The following SORCS3 variants were observed in gnomAD, a reference collection of about 807,000 sequenced individuals.
SORCS3 encodes the protein sortilin related VPS10 domain containing receptor 3.
In SORCS3, 57 loss-of-function variants were observed where a neutral mutation model predicts 146.3. The ratio of observed to expected loss-of-function variants is 0.39; its 90% CI spans 0.31 to 0.49. The LOEUF (loss-of-function observed/expected upper bound fraction) is 0.49, where lower values mean the gene tolerates loss of function less well. Ranked by LOEUF, SORCS3 falls within the 20% of genes least tolerant of loss-of-function variation. SORCS3 has a pLI of 0.92. For missense variants in SORCS3, 1,341 were observed against 1,575.5 expected (o/e 0.85, Z 2.52); for synonymous variants, 653 against 618.5 (o/e 1.06, Z -0.83).
chr10:104,868,175 TCTGA>T (rs2018480289), intron 2 of SORCS3, among the ~76,000 whole-genome samples: 2 of 152,342 alleles, frequency 1.3e-5, no homozygotes, highest in Admixed American at 6.5e-5. Flanking sequence ...AGCTCTGCTC[TCTGA>T]CTAAGGGATA....
chr10:104,924,231 C>G (rs1022256632), intron 3 of SORCS3, among the ~76,000 whole-genome samples: 3 of 152,182 alleles, frequency 2.0e-5, no homozygotes, highest in Non-Finnish European at 4.4e-5. Flanking sequence ...AGGGACTTGT[C>G]TGAGGTCATA....
intron 3 of SORCS3, among the ~76,000 whole-genome samples, chr10:104,920,849 G>A (rs948931363): frequency 6.6e-6 from 1 of 152,132 alleles, no homozygotes; most frequent in East Asian, 1.9e-4. Flanking sequence ...TGGCATGGTG[G>A]CATCAGCATT....
chr10:105,123,963 A>G (rs1282121072), intron 7 of SORCS3, among the ~76,000 whole-genome samples: 1 of 152,200 alleles, frequency 6.6e-6, no homozygotes, highest in Non-Finnish European at 1.5e-5. Flanking sequence ...AACATAAAAG[A>G]CAATTATGTG....
intron 16 of SORCS3, among the ~76,000 whole-genome samples, chr10:105,209,571 C>G (rs554488451): frequency 6.6e-6 from 1 of 152,266 alleles, no homozygotes; most frequent in South Asian, 2.1e-4. Context: ...AAAATTATCC[C>G]TGCTCTTTTG....
At chr10:105,022,031 CA>C (rs2055201115) in intron 4 of SORCS3, among the ~76,000 whole-genome samples, 1 of 152,112 alleles carries the variant, frequency 6.6e-6, no homozygotes, top group Admixed American at 6.6e-5. Flanking sequence ...CAGTAGCTGC[CA>C]GGGGTTGTGG....
chr10:104,793,956 G>A (rs2017522527), intron 1 of SORCS3, among the ~76,000 whole-genome samples: 1 of 152,154 alleles, frequency 6.6e-6, no homozygotes, highest in South Asian at 2.1e-4. Context: ...GGAATTTCGG[G>A]AATGACCAAA....
At chr10:105,186,046 G>A (rs1589678628) in intron 14 of SORCS3, among the ~76,000 whole-genome samples, 1 of 152,158 alleles carries the variant, frequency 6.6e-6, no homozygotes, top group Non-Finnish European at 1.5e-5. Flanking sequence ...GGAAATTTAG[G>A]TTATTTCTAG....
intron 14 of SORCS3, among the ~76,000 whole-genome samples, chr10:105,194,417 G>A (rs1471318081): frequency 6.6e-6 from 1 of 152,110 alleles, no homozygotes; most frequent in Non-Finnish European, 1.5e-5. Context: ...CATGTTGGGG[G>A]TTTGATTATG....
chr10:105,152,959 G>A (rs2056178125), intron 9 of SORCS3, among the ~76,000 whole-genome samples: 1 of 151,270 alleles, frequency 6.6e-6, no homozygotes. Flanking sequence ...GCATTTTTAT[G>A]GAGGTATAAT....
At chr10:104,749,696 G>A (rs1353507789) in intron 1 of SORCS3, among the ~76,000 whole-genome samples, 5 of 152,180 alleles carry the variant, frequency 3.3e-5, no homozygotes, top group Non-Finnish European at 1.5e-5. Context: ...CTGAACAAAA[G>A]CTTCTGAATT....
chr10:105,227,122 C>A (rs189167326), intron 20 of SORCS3, among the ~76,000 whole-genome samples: 2 of 151,780 alleles, frequency 1.3e-5, no homozygotes, highest in Non-Finnish European at 1.5e-5. Context: ...TCTTGCTTTT[C>A]TAGTTTCTTG....
At chr10:104,723,860 T>A (rs934630837) in intron 1 of SORCS3, among the ~76,000 whole-genome samples, 5 of 152,178 alleles carry the variant, frequency 3.3e-5, no homozygotes, top group African/African-American at 1.2e-4. Context: ...ATTTTGAGCC[T>A]ATGTGTGTCT....
intron 1 of SORCS3, among the ~76,000 whole-genome samples, chr10:104,647,841 A>G (rs1044748058): frequency 4.6e-5 from 7 of 152,258 alleles, no homozygotes; most frequent in Non-Finnish European, 7.3e-5. Flanking sequence ...GAGGATAGAA[A>G]TAAGGACTAG....
intron 20 of SORCS3, among the ~76,000 whole-genome samples, chr10:105,234,903 G>A (rs1365109691): frequency 6.6e-6 from 1 of 151,852 alleles, no homozygotes; most frequent in Non-Finnish European, 1.5e-5. Flanking sequence ...TTTCCCTTTA[G>A]TATGCCTTGT....
intron 1 of SORCS3, among the ~76,000 whole-genome samples, chr10:104,825,075 A>C (rs1461173148): frequency 1.3e-5 from 2 of 152,194 alleles, no homozygotes; most frequent in Non-Finnish European, 2.9e-5. Flanking sequence ...TGTCAGTGAG[A>C]GGCCTGATGA....
chr10:105,150,125 C>A (rs374470724), intron 9 of SORCS3, among the ~76,000 whole-genome samples: 3 of 152,126 alleles, frequency 2.0e-5, no homozygotes, highest in Admixed American at 2.0e-4. Context: ...AGTTTGCAAT[C>A]TAGTTTGTTG....
intron 4 of SORCS3, among the ~76,000 whole-genome samples, chr10:105,015,946 C>T (rs903996402): frequency 4.0e-5 from 6 of 150,582 alleles, no homozygotes; most frequent in East Asian, 2.0e-4. Context: ...GTCAGGCTGG[C>T]CTCAAACTCC....
rs11340368 is a variant in SORCS3 at position 105,182,230 on chromosome 10, CTTTTT to C, written c.2009+4076_2009+4080del. ...CAGCCAACTTGTGACTATTCAGCAT[CTTTTT>C]TTTTTTTTTTTTTTTTTTGTGCCAG... On this transcript the variant is annotated intron_variant, in intron 14 of 26. Transcript: ENST00000369701. Among the ~76,000 whole-genome samples the C allele has an allele frequency of 5.4e-3, 382 of 70,482 alleles. 7 individuals are homozygous for C. The highest frequency in any genetic ancestry group is 0.016 in the Middle Eastern group (2 of 126). The allele number at this position is 70,482 out of a possible 152,430, so 46.2% of individuals were successfully genotyped here.
At chr10:104,874,190 G>T (rs1231617155) in intron 2 of SORCS3, among the ~76,000 whole-genome samples, 1 of 151,610 alleles carries the variant, frequency 6.6e-6, no homozygotes, top group East Asian at 2.0e-4. Context: ...AGAGGATTTG[G>T]TCATGCTGAC....
Sources: gnomAD v4.1 joint callset for allele counts (sites outside exome capture counted in the v4.1 genomes callset) on GRCh38, gnomAD v4.1.1 for gene constraint, MANE v1.5 for transcripts, NCBI Gene and HGNC (gene_info 2026-07-23, HGNC 2026-07-21) for gene names.